Variants in JAML observed in about 807,000 individuals in gnomAD.
JAML encodes the protein junctional adhesion molecule-like.
In JAML, 25 loss-of-function variants were observed where a neutral mutation model predicts 39.3. The ratio of observed to expected loss-of-function variants is 0.64; its 90% confidence interval spans 0.46 to 0.89. The LOEUF is 0.89. Among genes scored for constraint, JAML ranks in the 40% least tolerant of loss-of-function variants. JAML has a pLI of 0.00. For missense variants in JAML, 440 were observed against 486.9 expected (o/e 0.90, Z 0.91); for synonymous variants, 162 against 179.2 (o/e 0.90, Z 0.77).
intron 4 of JAML, 37 bp downstream of exon 4, chr11:118,210,450 T>C (rs759894532): frequency 3.1e-6 from 5 of 1,604,540 alleles, no homozygotes; most frequent in Non-Finnish European, 4.3e-6. Flanking sequence ...TGAAAGCTCT[T>C]GCCCCTTGGC....
chr11:118,214,631 C>T (rs1197237561), intron 2 of JAML, among the ~76,000 whole-genome samples, 193 bp downstream of exon 2: 1 of 152,188 alleles, frequency 6.6e-6, no homozygotes, highest in Non-Finnish European at 1.5e-5. Context: ...AAACAGGAAG[C>T]TTCAGCTTCC....
At chr11:118,198,526 C>T (rs1565473217) in intron 7 of JAML, among the ~76,000 whole-genome samples, 1 of 152,002 alleles carries the variant, frequency 6.6e-6, no homozygotes, top group African/African-American at 2.4e-5. Flanking sequence ...TTCCGGGGGG[C>T]GGAGCAGAAT....
At chr11:118,206,559 G>T (rs1178880037) in intron 4 of JAML, among the ~76,000 whole-genome samples, 1 of 152,138 alleles carries the variant, frequency 6.6e-6, no homozygotes, top group African/African-American at 2.4e-5. Context: ...TTCTTTTATT[G>T]TTTTTCTTTT....
At chr11:118,216,184 A>C (rs541981973) in intron 1 of JAML, among the ~76,000 whole-genome samples, 13 of 152,238 alleles carry the variant, frequency 8.5e-5, no homozygotes, top group African/African-American at 2.9e-4. Flanking sequence ...ATCCTGGCTA[A>C]CACGGTGAAA....
At chr11:118,221,528 G>A (rs1443139224) in intron 1 of JAML, among the ~76,000 whole-genome samples, 4 of 152,306 alleles carry the variant, frequency 2.6e-5, no homozygotes, top group South Asian at 2.1e-4. Context: ...TCATGCTCCC[G>A]TGAGAATCTA....
Position 118,194,432 on chromosome 11 carries a change from CAGAA to C in JAML, c.1093-19_1093-16del. ...CAAACTGGGTGCTGTGGGGGAAGGGCAGAAAGAAACAAAACATGCTTGTAAGAAG... is the reference window on the plus strand; with the variant it reads ...CAAACTGGGTGCTGTGGGGGAAGGGCAGAAACAAAACATGCTTGTAAGAAG... On this transcript the variant is annotated splice_polypyrimidine_tract_variant and intron_variant, in intron 9 of 9. Coordinates refer to ENST00000356289, the MANE Select transcript of JAML (RefSeq NM_001098526.2). 1 of 1,600,750 alleles carries C rather than the reference CAGAA, an allele frequency of 6.2e-7. No individual in the cohort carries two copies. Among genetic ancestry groups the C allele is most frequent in the African/African-American group, 1.3e-5 (1 of 74,718 alleles).
intron 4 of JAML, among the ~76,000 whole-genome samples, chr11:118,209,511 G>C (rs1483540122): frequency 6.6e-6 from 1 of 151,992 alleles, no homozygotes; most frequent in Non-Finnish European, 1.5e-5. Context: ...AGAAAGATCT[G>C]CTCCTTTCTT....
At chr11:118,202,973 G>A in intron 6 of JAML, 1 of 456,678 alleles carries the variant, frequency 2.2e-6, no homozygotes, top group Non-Finnish European at 4.4e-6. Context: ...CTCCATTTTT[G>A]GTTCTGGTGC....
At chr11:118,194,551 T>C in intron 9 of JAML, 134 bp from the exon 10 acceptor site, 2 of 694,326 alleles carry the variant, frequency 2.9e-6, no homozygotes, top group Admixed American at 4.3e-5. Flanking sequence ...TCTCATGTGA[T>C]CCTTACCACC....
chr11:118,210,965 T>C (rs1698905286), intron 3 of JAML, among the ~76,000 whole-genome samples: 1 of 152,242 alleles, frequency 6.6e-6, no homozygotes. Flanking sequence ...AGGTAAAATA[T>C]AGCACCCACT....
At chr11:118,221,056 A>G (rs1407806465) in intron 1 of JAML, among the ~76,000 whole-genome samples, 1 of 152,170 alleles carries the variant, frequency 6.6e-6, no homozygotes, top group Non-Finnish European at 1.5e-5. Flanking sequence ...TGCCTCCTCT[A>G]CCCCTTTCTG....
chr11:118,195,956 C>T (rs536000314), intron 9 of JAML, among the ~76,000 whole-genome samples: 5 of 152,106 alleles, frequency 3.3e-5, no homozygotes, highest in African/African-American at 7.2e-5. Flanking sequence ...CTCAGCCTCC[C>T]AAGTAGCTGG....
intron 1 of JAML, among the ~76,000 whole-genome samples, chr11:118,221,281 G>GA (rs532005336): frequency 1.1e-4 from 16 of 149,932 alleles, no homozygotes; most frequent in African/African-American, 3.9e-4. Flanking sequence ...ACTCCTCCCG[G>GA]AAAAAAACAA....
At position 118,210,738 on chromosome 11, in the gene JAML, C is replaced by A. The variant is rs574140258; in HGVS notation, c.199-26G>T. Reference sequence around the variant, plus strand: ...CTGAAGGGCAAAACAGTGTTGGAGACAATCAAAAGAGGTGCCAGACCGAGG... The same window carrying A: ...CTGAAGGGCAAAACAGTGTTGGAGAAAATCAAAAGAGGTGCCAGACCGAGG... On this transcript the variant is annotated intron_variant, in intron 3 of 9. Coordinates refer to ENST00000356289, the MANE Select transcript of JAML (RefSeq NM_001098526.2). 3.1e-6 allele frequency: 5 copies of A among 1,597,298 alleles called. No homozygotes were observed. The South Asian group carries it at 5.5e-5, about 18-fold the overall frequency.
intron 4 of JAML, among the ~76,000 whole-genome samples, chr11:118,208,217 G>A (rs938043468): frequency 3.8e-5 from 4 of 106,206 alleles, no homozygotes; most frequent in African/African-American, 6.8e-5. Context: ...CTGGGTGACA[G>A]AGCAAGACCC....
intron 1 of JAML, among the ~76,000 whole-genome samples, chr11:118,215,096 TAA>T (rs1949122819): frequency 6.6e-6 from 1 of 152,018 alleles, no homozygotes; most frequent in Non-Finnish European, 1.5e-5. Flanking sequence ...AATGAATGAA[TAA>T]GAAAATACCA....
chr11:118,214,846 GAGTTTC>G lies in JAML; in HGVS notation c.15_20del (p.Lys6_Leu7del), dbSNP rs1239917146. On this transcript the variant is annotated inframe_deletion, in exon 2 of 10. Transcript: ENST00000356289. ...TACCCAGTAACACTGGCAGCAGGAT[GAGTTTC>G]AGTGGGCAAAACATGCTGCTCTCAA... 6.2e-7 allele frequency: 1 copy of G among 1,614,132 alleles called. No individual in the cohort carries two copies. Among genetic ancestry groups the G allele is most frequent in the African/African-American group, 1.3e-5 (1 of 75,054 alleles).
In JAML at chr11:118,200,331, GGTTACCACAGA is replaced by G. The variant is rs556426285; in HGVS notation, c.911+132_911+142del. 228 of 1,009,492 alleles carry G rather than the reference GGTTACCACAGA, an allele frequency of 2.3e-4. No homozygotes were observed. In the African/African-American group the frequency reaches 3.0e-3, roughly 13 times the overall value. The allele number at this position is 1,009,492 out of a possible 1,614,324, so 62.5% of individuals were successfully genotyped here. On this transcript the variant is annotated intron_variant, in intron 7 of 9. Transcript: ENST00000356289. ...CGGGCACAGTAAGCAAAGTGGGCAG[GGTTACCACAGA>G]TGATTCCATTTAAAAATACCCCCTT...
At chr11:118,203,403 T>C in intron 6 of JAML, 25 bp downstream of exon 6, 5 of 1,604,592 alleles carry the variant, frequency 3.1e-6, no homozygotes, top group Non-Finnish European at 4.3e-6. Flanking sequence ...GGTCCCTCAA[T>C]GCTCCCCAGC....
Sources: allele counts gnomAD v4.1 joint callset (sites outside exome capture counted in the v4.1 genomes callset), GRCh38; gene constraint gnomAD v4.1.1; transcripts MANE v1.5; gene names NCBI Gene and HGNC (gene_info 2026-07-23, HGNC 2026-07-21).